The following TRMT1L variants were observed in gnomAD, a reference collection of about 807,000 sequenced individuals.
TRMT1L encodes the protein tRNA (guanine(27)-N(2))-dimethyltransferase.
Under a neutral mutation model 81.6 loss-of-function variants are expected in TRMT1L, and 28 were observed. That is an observed-to-expected ratio of 0.34 (90% CI 0.25 to 0.47). The LOEUF (loss-of-function observed/expected upper bound fraction) is 0.47. Ranked by LOEUF, TRMT1L falls within the 20% of genes least tolerant of loss-of-function variation. The pLI, the probability that TRMT1L is intolerant of heterozygous loss-of-function variation, is 1.00. For synonymous variants in TRMT1L, 301 were observed against 303.2 expected (o/e 0.99, Z 0.07); for missense variants, 739 against 877.1 (o/e 0.84, Z 1.99).
At chr1:185,141,698 T>C (rs1329686830) in intron 7 of TRMT1L, among the ~76,000 whole-genome samples, 1 of 152,110 alleles carries the variant, frequency 6.6e-6, no homozygotes, top group Non-Finnish European at 1.5e-5. Context: ...AGCGAAACTC[T>C]GTCTCAAAAG....
At chr1:185,128,813 A>C (rs1652697743) in intron 10 of TRMT1L, 66 bp from the exon 11 acceptor site, 3 of 1,303,934 alleles carry the variant, frequency 2.3e-6, no homozygotes, top group Non-Finnish European at 3.3e-6. Flanking sequence ...AGTAATTGTT[A>C]TATTAATAAT....
intron 2 of TRMT1L, 90 bp from the exon 3 acceptor site, chr1:185,150,582 C>A (rs1653316636): frequency 2.4e-6 from 2 of 826,956 alleles, no homozygotes; most frequent in Non-Finnish European, 4.0e-6. Context: ...GGGGCTCCCC[C>A]TCCTACTTCT....
Position 185,119,964 on chromosome 1 carries a change from T to G in TRMT1L, c.*55A>C. ...AACAGAAAAAGAACTACAGTTGGTA[T>G]AGAGAACTATTAGGCCATCTATACA... On this transcript the variant is annotated 3_prime_UTR_variant, in exon 15 of 15. Transcript: ENST00000367506. 1 of 1,561,350 alleles carries G rather than the reference T, an allele frequency of 6.4e-7. No homozygotes were observed. Among genetic ancestry groups the G allele is most frequent in the Non-Finnish European group, 8.7e-7 (1 of 1,148,520 alleles).
intron 2 of TRMT1L, 72 bp from the exon 3 acceptor site, chr1:185,150,564 G>A: frequency 2.0e-6 from 2 of 1,010,140 alleles, no homozygotes; most frequent in Non-Finnish European, 3.0e-6. Context: ...ACTACAAAGA[G>A]GTTAATGGGG....
At chr1:185,123,952 T>C (rs571968490) in intron 12 of TRMT1L, 33 bp from the exon 13 acceptor site, 1 of 1,239,060 alleles carries the variant, frequency 8.1e-7, no homozygotes, top group Non-Finnish European at 1.1e-6. Context: ...AAAGAAAATA[T>C]TTTACAGAAT....
rs1557988390 is a variant in TRMT1L, at chr1:185,137,661, G to GAT, written c.1456_1457dup (p.His487SerfsTer18). 6.2e-7 allele frequency: 1 copy of GAT among 1,614,064 alleles called. No homozygotes were observed. Among genetic ancestry groups the GAT allele is most frequent in the Non-Finnish European group, 8.5e-7 (1 of 1,179,994 alleles). ...TTCTCTCTTCACACCACTGACAATG[G>GAT]ATCAGGTATTGAATCTTCTTGGCTG... On this transcript the variant is annotated frameshift_variant, in exon 10 of 15. Transcript: ENST00000367506. LOFTEE classifies it high-confidence loss of function.
chr1:185,153,697 T>C (rs909438423), intron 1 of TRMT1L, among the ~76,000 whole-genome samples: 3 of 152,112 alleles, frequency 2.0e-5, no homozygotes, highest in South Asian at 2.1e-4. Context: ...CCTGAATATA[T>C]GTGCATTCCA....
At chr1:185,156,397 C>T in intron 1 of TRMT1L, 81 bp downstream of exon 1, 1 of 1,612,246 alleles carries the variant, frequency 6.2e-7, no homozygotes. Flanking sequence ...AAAACCATCC[C>T]GGTGAAGGGC....
intron 1 of TRMT1L, among the ~76,000 whole-genome samples, chr1:185,153,080 G>A (rs963883714): frequency 2.0e-5 from 3 of 152,122 alleles, no homozygotes; most frequent in Admixed American, 2.0e-4. Context: ...ACTAGGCTAT[G>A]TAAAATTAAT....
chr1:185,140,164 A>C lies in TRMT1L; in HGVS notation c.918T>G (p.Asn306Lys). ...GTGTCACAGAATTTTCATTCAAGTC[A>C]TTGATTGTAACTTTGACTGCATTTC... The part of the protein sequence containing the change: ...HLGNAVKVTI[N>K]DLNENSVTLI... The change falls in exon 8 of 15, where the codon AAT (asparagine) becomes AAG (lysine). Residue 306 changes from asparagine to lysine, a missense_variant. Physicochemically the swap from Asn to Lys is moderately conservative, Grantham distance 94. Transcript: ENST00000367506. 1 of 1,613,780 alleles carries C rather than the reference A, an allele frequency of 6.2e-7. No individual in the cohort carries two copies. Among genetic ancestry groups the C allele is most frequent in the African/African-American group, 1.3e-5 (1 of 75,018 alleles).
chr1:185,128,247 C>T (rs1301020518), intron 11 of TRMT1L, among the ~76,000 whole-genome samples: 1 of 152,204 alleles, frequency 6.6e-6, no homozygotes, highest in Non-Finnish European at 1.5e-5. Flanking sequence ...AAAACAAAGG[C>T]AGACACTTTC....
At chr1:185,147,578 T>C (rs1271122454) in intron 3 of TRMT1L, among the ~76,000 whole-genome samples, 3 of 152,130 alleles carry the variant, frequency 2.0e-5, no homozygotes, top group African/African-American at 7.2e-5. Context: ...CTTGACTTTT[T>C]CTTAGGCTTC....
At chr1:185,143,802 T>C (rs972271571) in intron 6 of TRMT1L, 104 bp downstream of exon 6, 2 of 977,008 alleles carry the variant, frequency 2.0e-6, no homozygotes, top group Non-Finnish European at 2.8e-6. Context: ...ATTTTTATTC[T>C]GCACCTAGTT....
At position 185,120,002 on chromosome 1, in the gene TRMT1L, C is replaced by A; in HGVS notation, c.*17G>T. Reference sequence around the variant, plus strand: ...GGCCATCTATACAGACACCTGAGAACCAATTCTTCTCTACGTTTACCATCT... The same window carrying A: ...GGCCATCTATACAGACACCTGAGAAACAATTCTTCTCTACGTTTACCATCT... On this transcript the variant is annotated 3_prime_UTR_variant, in exon 15 of 15. Coordinates refer to ENST00000367506, the MANE Select transcript of TRMT1L (RefSeq NM_030934.5). 1.2e-6 allele frequency: 2 copies of A among 1,611,798 alleles called. No individual in the cohort carries two copies.
chr1:185,138,601 A>T (rs1242520656), intron 9 of TRMT1L, among the ~76,000 whole-genome samples: 1 of 152,212 alleles, frequency 6.6e-6, no homozygotes, highest in Non-Finnish European at 1.5e-5. Flanking sequence ...TAATCTGCAT[A>T]TAGTAAGTGC....
intron 7 of TRMT1L, among the ~76,000 whole-genome samples, chr1:185,142,633 A>G (rs1453640804): frequency 1.3e-5 from 2 of 151,156 alleles, no homozygotes; most frequent in African/African-American, 2.4e-5. Context: ...GCCTGATTGC[A>G]GCAAACAAGT....
chr1:185,123,775 C>T, intron 13 of TRMT1L, 82 bp downstream of exon 13: 1 of 793,052 alleles, frequency 1.3e-6, no homozygotes. Context: ...GCTACCATGG[C>T]AATCTCTTCT....
At chr1:185,152,120 C>T (rs1485830615) in intron 1 of TRMT1L, among the ~76,000 whole-genome samples, 185 bp from the exon 2 acceptor site, 1 of 152,110 alleles carries the variant, frequency 6.6e-6, no homozygotes, top group African/African-American at 2.4e-5. Context: ...GGGGGAGACC[C>T]CACTGTATAA....
rs114719538 is a variant in TRMT1L at position 185,139,711 on chromosome 1, T to C, written c.1110-132A>G. The C allele has an allele frequency of 2.9e-3, 2,257 of 765,452 alleles. 34 individuals are homozygous for C. The African/African-American group carries it at 0.035, about 12-fold the overall frequency. 47.4% of individuals were successfully genotyped at this position (765,452 alleles called of 1,614,324 possible). On this transcript the variant is annotated intron_variant, in intron 8 of 14. Coordinates refer to ENST00000367506, the MANE Select transcript of TRMT1L (RefSeq NM_030934.5). ...CAAATATATTTTAAGTACATAATTC[T>C]GTTTTGAAATTAAGTAATAAAATGA...
Sources: allele counts gnomAD v4.1 joint callset (sites outside exome capture counted in the v4.1 genomes callset), GRCh38; gene constraint gnomAD v4.1.1; transcripts MANE v1.5; gene names NCBI Gene and HGNC (gene_info 2026-07-23, HGNC 2026-07-21).